The following ATL1 variants were observed in gnomAD, a reference collection of about 807,000 sequenced individuals.
The protein encoded by ATL1 is atlastin GTPase 1.
In ATL1, 31 loss-of-function variants were observed where a neutral mutation model predicts 75.5. The observed-to-expected ratio is 0.41, with a 90% CI of 0.31 to 0.55. The LOEUF (loss-of-function observed/expected upper bound fraction) is 0.55. Ranked by LOEUF, ATL1 falls within the 20% of genes least tolerant of loss-of-function variation. ATL1 has a pLI of 0.27. For synonymous variants in ATL1, 226 were observed against 233.3 expected (o/e 0.97, Z 0.28); for missense variants, 405 against 662.6 (o/e 0.61, Z 4.27).
chr14:50,613,480 G>A, intron 7 of ATL1, 129 bp downstream of exon 7: 1 of 723,474 alleles, frequency 1.4e-6, no homozygotes. Flanking sequence ...TAATGACACA[G>A]GTGAAGAATT....
chr14:50,572,763 A>C (rs2038965879), intron 1 of ATL1, among the ~76,000 whole-genome samples: 1 of 152,132 alleles, frequency 6.6e-6, no homozygotes, highest in East Asian at 1.9e-4. Flanking sequence ...TCTATCCTAT[A>C]TATGTTGATA....
chr14:50,594,998 CA>C (rs371065528), intron 5 of ATL1, among the ~76,000 whole-genome samples: 1,706 of 86,210 alleles, frequency 0.02, 12 homozygotes, highest in African/African-American at 0.035. Flanking sequence ...GACCCTGTCT[CA>C]AAAAAAAAAA....
Position 50,575,855 on chromosome 14 carries a change from G to T in ATL1, c.35-11976G>T, listed in dbSNP as rs569158639. On this transcript the variant is annotated intron_variant, in intron 1 of 13. Coordinates refer to ENST00000358385, the MANE Select transcript of ATL1 (RefSeq NM_015915.5). ...ATTCTCCACATTTGACATTTTTGAA[G>T]ATTCCCCTTCTACATGGCTAAATTC... Among the ~76,000 whole-genome samples, 3 of 152,230 alleles carry T rather than the reference G, an allele frequency of 2.0e-5. No homozygotes were observed. The East Asian group carries it at 5.8e-4, about 29-fold the overall frequency.
intron 6 of ATL1, among the ~76,000 whole-genome samples, chr14:50,601,048 C>T (rs1053733602): frequency 6.6e-6 from 1 of 152,134 alleles, no homozygotes; most frequent in African/African-American, 2.4e-5. Flanking sequence ...TTTGAGGCTG[C>T]AGTGAGCTAT....
intron 6 of ATL1, among the ~76,000 whole-genome samples, chr14:50,606,730 G>A (rs1201999212): frequency 6.6e-6 from 1 of 151,954 alleles, no homozygotes; most frequent in Non-Finnish European, 1.5e-5. Context: ...TCTTTATAGA[G>A]GACTTTAGTA....
intron 1 of ATL1, among the ~76,000 whole-genome samples, chr14:50,551,103 A>G (rs900410514): frequency 1.3e-5 from 2 of 152,208 alleles, no homozygotes; most frequent in African/African-American, 4.8e-5. Context: ...TTCTTTGAAA[A>G]GATAAACAAA....
intron 1 of ATL1, among the ~76,000 whole-genome samples, chr14:50,576,533 T>A (rs1246467847): frequency 6.6e-6 from 1 of 152,122 alleles, no homozygotes; most frequent in East Asian, 1.9e-4. Context: ...AAAAAAGAAA[T>A]CTGGTGCTGA....
chr14:50,580,915 GT>G (rs928267460), intron 1 of ATL1, among the ~76,000 whole-genome samples: 4 of 151,806 alleles, frequency 2.6e-5, no homozygotes, highest in Non-Finnish European at 4.4e-5. Flanking sequence ...GTCTTATGTG[GT>G]TTTTTTATAA....
chr14:50,612,944 T>A (rs1328226199), intron 6 of ATL1, among the ~76,000 whole-genome samples: 5 of 152,156 alleles, frequency 3.3e-5, no homozygotes, highest in Admixed American at 6.6e-5. Context: ...AGGAACCTAT[T>A]CTACACAAAA....
Position 50,628,451 on chromosome 14 carries a change from C to T in ATL1, c.1540C>T (p.Leu514=), listed in dbSNP as rs1421535216. ...TGTAATAGACCAGGTGGCTGCAGCT[C>T]TGTGGGACCAGGTAAGAACACCTTT... is the stretch of plus-strand genomic sequence containing the variant. ...GAVIDQVAAA[L]WDQGSTNEAL... Residue 514 remains leucine, a synonymous_variant, in exon 12 of 14, where the codon CTG becomes TTG. Transcript: ENST00000358385. 2 of 1,614,036 alleles carry T rather than the reference C, an allele frequency of 1.2e-6. No individual in the cohort carries two copies. The highest frequency in any genetic ancestry group is 2.2e-5 in the South Asian group (2 of 91,054).
Position 50,632,417 on chromosome 14 carries a change from A to C in ATL1, c.*78A>C. The C allele has an allele frequency of 2.0e-6, 2 of 997,510 alleles. No homozygotes were observed. The highest frequency in any genetic ancestry group is 3.1e-6 in the Non-Finnish European group (2 of 641,498). The allele number at this position is 997,510 out of a possible 1,614,324, so 61.8% of individuals were successfully genotyped here. A position where few individuals can be genotyped will look rare whatever the true frequency, so the allele number is the denominator to read the frequency against. On this transcript the variant is annotated 3_prime_UTR_variant, in exon 14 of 14. Coordinates refer to ENST00000358385, the MANE Select transcript of ATL1 (RefSeq NM_015915.5). ...TTTTATGTCTCCATGCAAACATTCAAAGTGCTTCCATCAGAACGGAGTAAA... is the reference window on the plus strand; with the variant it reads ...TTTTATGTCTCCATGCAAACATTCACAGTGCTTCCATCAGAACGGAGTAAA...
intron 13 of ATL1, among the ~76,000 whole-genome samples, chr14:50,631,735 G>A (rs2039583477): frequency 6.6e-6 from 1 of 152,174 alleles, no homozygotes; most frequent in African/African-American, 2.4e-5. Flanking sequence ...GGATCCTACT[G>A]TGCTGGGGGA....
intron 2 of ATL1, among the ~76,000 whole-genome samples, chr14:50,589,498 T>C (rs1402870454): frequency 1.3e-5 from 2 of 152,158 alleles, no homozygotes; most frequent in African/African-American, 4.8e-5. Context: ...GAAGGGCATA[T>C]TGTAGGCAAA....
At chr14:50,583,067 T>A (rs900675927) in intron 1 of ATL1, among the ~76,000 whole-genome samples, 4 of 152,146 alleles carry the variant, frequency 2.6e-5, no homozygotes, top group Non-Finnish European at 5.9e-5. Flanking sequence ...TCTGATATGA[T>A]AAAATGTATC....
intron 13 of ATL1, 138 bp from the exon 14 acceptor site, chr14:50,632,091 T>C (rs1191024149): frequency 3.5e-6 from 2 of 566,492 alleles, no homozygotes; most frequent in Non-Finnish European, 6.3e-6. Context: ...AATTTTAAGA[T>C]AATAATTTAT....
chr14:50,555,842 A>G (rs2038759218), upstream of ATL1, among the ~76,000 whole-genome samples: 1 of 152,224 alleles, frequency 6.6e-6, no homozygotes, highest in South Asian at 2.1e-4. Context: ...TACCGCCAAA[A>G]GCATTCTAAT....
chr14:50,619,103 A>T (rs1352019084), intron 8 of ATL1, among the ~76,000 whole-genome samples: 2 of 151,882 alleles, frequency 1.3e-5, no homozygotes, highest in African/African-American at 4.8e-5. Flanking sequence ...CCCAAGCTGG[A>T]GTGCAGTGGC....
At chr14:50,621,180 T>A (rs1393082049) in intron 9 of ATL1, among the ~76,000 whole-genome samples, 1 of 152,208 alleles carries the variant, frequency 6.6e-6, no homozygotes, top group African/African-American at 2.4e-5. Context: ...AAATTTGCAT[T>A]TACCTGTTTA....
intron 4 of ATL1, 24 bp downstream of exon 4, chr14:50,591,663 G>A (rs770490028): frequency 6.5e-7 from 1 of 1,536,364 alleles, no homozygotes; most frequent in South Asian, 1.1e-5. Flanking sequence ...CCATTTTGAT[G>A]ATGTTTCTTT....
Sources: allele counts gnomAD v4.1 joint callset (sites outside exome capture counted in the v4.1 genomes callset), GRCh38; gene constraint gnomAD v4.1.1; transcripts MANE v1.5; gene names NCBI Gene and HGNC (gene_info 2026-07-23, HGNC 2026-07-21).